Variants in ARRB1 observed in about 807,000 individuals in gnomAD.
ARRB1 encodes arrestin beta 1.
A neutral mutation model predicts 56.8 loss-of-function variants in ARRB1; 21 were observed. The observed-to-expected ratio is 0.37, with a 90% CI of 0.26 to 0.53. The LOEUF (loss-of-function observed/expected upper bound fraction) is 0.53. Ranked by LOEUF, ARRB1 falls within the 20% of genes least tolerant of loss-of-function variation. The probability of loss-of-function intolerance (pLI) is 0.88; values close to 1 mark genes in which losing one functional copy is unlikely to be tolerated. For missense variants in ARRB1, 424 were observed against 553.7 expected, an observed-to-expected ratio of 0.77 and a Z score of 2.35; for synonymous variants, 210 against 218.6, an observed-to-expected ratio of 0.96 and a Z score of 0.35.
intron 3 of ARRB1, 149 bp downstream of exon 3, chr11:75,287,166 G>T: frequency 1.3e-6 from 1 of 761,696 alleles, no homozygotes; most frequent in South Asian, 2.0e-5. Flanking sequence ...TGGGAAAGTA[G>T]CTGCTCAGTA....
At chr11:75,289,071 C>G (rs1946547067) in intron 2 of ARRB1, among the ~76,000 whole-genome samples, 1 of 152,132 alleles carries the variant, frequency 6.6e-6, no homozygotes, top group African/African-American at 2.4e-5. Context: ...AGATGAAACC[C>G]TGGTGCAGCA....
At chr11:75,329,572 C>T (rs931921408) in intron 1 of ARRB1, among the ~76,000 whole-genome samples, 2 of 152,190 alleles carry the variant, frequency 1.3e-5, no homozygotes, top group African/African-American at 4.8e-5. Context: ...GATGGTGTGA[C>T]TATGACCACT....
intron 1 of ARRB1, among the ~76,000 whole-genome samples, chr11:75,305,747 T>C (rs139507882): frequency 6.6e-6 from 1 of 152,138 alleles, no homozygotes; most frequent in African/African-American, 2.4e-5. Flanking sequence ...GTGCACGCAC[T>C]CTACACACCA....
intron 3 of ARRB1, among the ~76,000 whole-genome samples, chr11:75,285,203 C>A (rs578141716): frequency 6.6e-6 from 1 of 152,206 alleles, no homozygotes; most frequent in Admixed American, 6.5e-5. Flanking sequence ...GCTCCCGTGA[C>A]GACTGAATGG....
chr11:75,322,020 G>T (rs899492055), intron 1 of ARRB1, among the ~76,000 whole-genome samples: 1 of 152,230 alleles, frequency 6.6e-6, no homozygotes. Context: ...TGCAAGACAG[G>T]CATCATACAA....
chr11:75,273,947 A>T, intron 11 of ARRB1, 127 bp downstream of exon 11: 1 of 1,429,772 alleles, frequency 7.0e-7, no homozygotes, highest in Non-Finnish European at 9.6e-7. Context: ...GCACCTGAGG[A>T]CAGGCCCTGA....
intron 1 of ARRB1, among the ~76,000 whole-genome samples, chr11:75,296,059 G>C (rs772349225): frequency 6.6e-6 from 1 of 151,880 alleles, no homozygotes; most frequent in African/African-American, 2.4e-5. Context: ...GGTGGCACAT[G>C]CCTGTAATCC....
At position 75,262,529 on chromosome 11, in the gene ARRB1, G is replaced by C. The variant is rs900293456; in HGVS notation, c.*3634C>G. 2.0e-5 allele frequency: 3 copies of C among 152,250 alleles called. No homozygotes were observed. Among genetic ancestry groups the C allele is most frequent in the Admixed American group, 6.5e-5 (1 of 15,286 alleles). 9.4% of individuals were successfully genotyped at this position (152,250 alleles called of 1,614,324 possible). On this transcript the variant is annotated 3_prime_UTR_variant, in exon 16 of 16. Coordinates refer to ENST00000420843, the MANE Select transcript of ARRB1 (RefSeq NM_004041.5). Reference sequence around the variant, plus strand: ...AAGACTGGTGGGGAGGGCTCCTCCTGCAGCAAACTTTCTGTGTGACCTTGG... The same window carrying C: ...AAGACTGGTGGGGAGGGCTCCTCCTCCAGCAAACTTTCTGTGTGACCTTGG...
rs1945838178 is a variant in ARRB1 at position 75,263,241 on chromosome 11, G to A, written c.*2922C>T. On this transcript the variant is annotated 3_prime_UTR_variant, in exon 16 of 16. Transcript: ENST00000420843. ...GAAAGGAAAGGGGCCCTGCAGAGAA[G>A]CACTGGCTCGGCCATGTTTGGGGGC... Among the ~76,000 whole-genome samples the A allele has an allele frequency of 6.6e-6, 1 of 152,232 alleles. No individual in the cohort carries two copies. Among genetic ancestry groups the A allele is most frequent in the Admixed American group, 6.5e-5 (1 of 15,288 alleles).
rs1294845216 is a variant in ARRB1, at chr11:75,351,570, C to A, written c.20+18G>T. ...TCGCCCCCACGCGCCCCCCGCCGGG[C>A]GGCCGCCCTGCACTCACCGGGTCCC... On this transcript the variant is annotated intron_variant, in intron 1 of 15. Transcript: ENST00000420843. The A allele has an allele frequency of 2.7e-6, 4 of 1,498,302 alleles. 1 individual carries two copies. In the South Asian group the frequency reaches 5.0e-5, roughly 19 times the overall value. 92.8% of individuals were successfully genotyped at this position (1,498,302 alleles called of 1,614,324 possible). A position where few individuals can be genotyped will look rare whatever the true frequency, so the allele number is the denominator to read the frequency against.
rs746429128 is a variant in ARRB1, at chr11:75,266,169, G to A, written c.1251C>T (p.Asn417=). The A allele has an allele frequency of 1.9e-6, 3 of 1,613,980 alleles. No individual in the cohort carries two copies. The highest frequency in any genetic ancestry group is 2.5e-6 in the Non-Finnish European group (3 of 1,179,804). The part of the protein sequence containing the change: ...EDGTGSPQLN[N]R ...GGAGGCAGGGCCGGCCCGTCTATCTGTTGTTGAGCTGTGGAGAGCCGGTAC... is the reference window on the plus strand; with the variant it reads ...GGAGGCAGGGCCGGCCCGTCTATCTATTGTTGAGCTGTGGAGAGCCGGTAC... Residue 417 remains asparagine (N), a synonymous_variant, in exon 16 of 16, where the codon AAC becomes AAT. Coordinates refer to ENST00000420843, the MANE Select transcript of ARRB1 (RefSeq NM_004041.5).
intron 1 of ARRB1, among the ~76,000 whole-genome samples, chr11:75,320,132 G>A (rs1179314638): frequency 6.6e-6 from 1 of 152,106 alleles, no homozygotes; most frequent in Non-Finnish European, 1.5e-5. Context: ...GAAGAGAAGA[G>A]GTGAGGTGCC....
intron 3 of ARRB1, among the ~76,000 whole-genome samples, chr11:75,285,767 C>T (rs1231970308): frequency 6.6e-6 from 1 of 152,122 alleles, no homozygotes; most frequent in Admixed American, 6.5e-5. Context: ...CTCAGGGTGC[C>T]TGCGTGTGTT....
At chr11:75,310,119 G>A (rs558748842) in intron 1 of ARRB1, among the ~76,000 whole-genome samples, 1 of 152,254 alleles carries the variant, frequency 6.6e-6, no homozygotes, top group South Asian at 2.1e-4. Context: ...GGGGAGAACT[G>A]CGCAAATGGA....
intron 8 of ARRB1, among the ~76,000 whole-genome samples, chr11:75,278,258 G>A (rs988983415): frequency 2.0e-5 from 3 of 152,140 alleles, no homozygotes; most frequent in Non-Finnish European, 4.4e-5. Context: ...GGAAGGTCAC[G>A]GCCCCCCACC....
intron 1 of ARRB1, among the ~76,000 whole-genome samples, chr11:75,297,439 A>AT (rs1554976601): frequency 2.0e-5 from 3 of 152,248 alleles, no homozygotes; most frequent in Middle Eastern, 3.4e-3. Context: ...TGGTCAATAG[A>AT]TTTTTTTACA....
intron 1 of ARRB1, among the ~76,000 whole-genome samples, chr11:75,340,350 G>A (rs528739872): frequency 1.3e-5 from 2 of 152,346 alleles, no homozygotes; most frequent in East Asian, 3.9e-4. Context: ...TACACAGTGT[G>A]GGCGGCACTA....
chr11:75,324,785 G>C (rs373683943), intron 1 of ARRB1, among the ~76,000 whole-genome samples: 1 of 152,292 alleles, frequency 6.6e-6, no homozygotes, highest in African/African-American at 2.4e-5. Flanking sequence ...GTTCTGGAAG[G>C]TTCTAACTGC....
intron 1 of ARRB1, among the ~76,000 whole-genome samples, chr11:75,307,659 C>T (rs1161622389): frequency 2.0e-5 from 3 of 152,218 alleles, no homozygotes; most frequent in Admixed American, 2.0e-4. Context: ...CTCAGTCTAA[C>T]ACACGGGGAA....
Sources: gnomAD v4.1 joint callset for allele counts (sites outside exome capture counted in the v4.1 genomes callset) on GRCh38, gnomAD v4.1.1 for gene constraint, MANE v1.5 for transcripts, NCBI Gene and HGNC (gene_info 2026-07-23, HGNC 2026-07-21) for gene names.